The following LRRK2 variants were observed in gnomAD, a reference collection of about 807,000 sequenced individuals.
LRRK2 encodes leucine rich repeat kinase 2.
In LRRK2, 203 loss-of-function variants were observed where a neutral mutation model predicts 302.6. The observed-to-expected ratio is 0.67, with a 90% confidence interval of 0.60 to 0.75. The LOEUF is 0.75. Among genes scored for constraint, LRRK2 ranks in the 30% least tolerant of loss-of-function variants. The pLI, the probability that LRRK2 is intolerant of heterozygous loss-of-function variation, is 0.00. For synonymous variants in LRRK2, 1,066 were observed against 1,031.9 expected, an observed-to-expected ratio of 1.03 and a Z score of -0.63; for missense variants, 2,830 against 2,951.0, an observed-to-expected ratio of 0.96 and a Z score of 0.95.
intron 48 of LRRK2, among the ~76,000 whole-genome samples, 173 bp from the exon 49 acceptor site, chr12:40,364,669 G>C (rs1302557967): frequency 1.3e-5 from 2 of 151,914 alleles, no homozygotes; most frequent in African/African-American, 4.8e-5. Flanking sequence ...GTAAAGAAGT[G>C]TGGCTCTTTG....
intron 39 of LRRK2, among the ~76,000 whole-genome samples, chr12:40,331,363 T>G (rs1167252123): frequency 6.6e-6 from 1 of 152,214 alleles, no homozygotes; most frequent in Non-Finnish European, 1.5e-5. Flanking sequence ...GGATCACTGC[T>G]GAGACCATAC....
Position 40,337,915 on chromosome 12 carries a change from C to A in LRRK2, c.5949-2379C>A, listed in dbSNP as rs568097658. 9.2e-5 allele frequency among the ~76,000 whole-genome samples: 14 copies of A among 152,256 alleles called. No homozygotes were observed. In the South Asian group the frequency reaches 2.7e-3, roughly 29 times the overall value. Reference sequence around the variant, plus strand: ...GTATTTGTTATTCCTCTCTTTCCACCAAGTTGTCTGCCTAGAGAGCTCATT... The same window carrying A: ...GTATTTGTTATTCCTCTCTTTCCACAAAGTTGTCTGCCTAGAGAGCTCATT... On this transcript the variant is annotated intron_variant, in intron 40 of 50. Coordinates refer to ENST00000298910, the MANE Select transcript of LRRK2 (RefSeq NM_198578.4).
intron 38 of LRRK2, among the ~76,000 whole-genome samples, chr12:40,325,249 T>C (rs1050928483): frequency 2.0e-5 from 3 of 152,206 alleles, no homozygotes; most frequent in Non-Finnish European, 4.4e-5. Context: ...GTTGTGCCAC[T>C]GCACTCCAGC....
rs953697442 is a variant in LRRK2, at chr12:40,357,846, T to C, written c.6844-1414T>C. 2.0e-5 allele frequency among the ~76,000 whole-genome samples: 3 copies of C among 152,338 alleles called. No homozygotes were observed. The South Asian group carries it at 6.2e-4, about 32-fold the overall frequency. Reference sequence around the variant, plus strand: ...GGCTCACAGTGGCATGATCATAGCTTGTTGCAGCCTTGACCTTCTGCACTC... The same window carrying C: ...GGCTCACAGTGGCATGATCATAGCTCGTTGCAGCCTTGACCTTCTGCACTC... On this transcript the variant is annotated intron_variant, in intron 46 of 50. Coordinates refer to ENST00000298910, the MANE Select transcript of LRRK2 (RefSeq NM_198578.4).
At chr12:40,326,265 C>T (rs1438538578) in intron 38 of LRRK2, among the ~76,000 whole-genome samples, 1 of 151,966 alleles carries the variant, frequency 6.6e-6, no homozygotes, top group Non-Finnish European at 1.5e-5. Context: ...GAGATCGAGA[C>T]CATCCTGGCT....
At chr12:40,287,213 C>T (rs946930955) in intron 19 of LRRK2, 138 bp from the exon 20 acceptor site, 1 of 724,384 alleles carries the variant, frequency 1.4e-6, no homozygotes, top group African/African-American at 1.8e-5. Context: ...TTCAGGATCA[C>T]TAGTGTAAGG....
chr12:40,338,037 G>C (rs1055753365), intron 40 of LRRK2, among the ~76,000 whole-genome samples: 4 of 152,196 alleles, frequency 2.6e-5, no homozygotes, highest in African/African-American at 9.6e-5. Flanking sequence ...CAGACACTCT[G>C]TGCAAGACAT....
At position 40,323,217 on chromosome 12, in the gene LRRK2, C is replaced by A. The variant is rs947323032; in HGVS notation, c.5567C>A (p.Ala1856Asp). ...PRLTIPISQIAPDLILADLPR... is the reference protein window; with the variant it reads ...PRLTIPISQIDPDLILADLPR... ...CTCACCATTCCAATATCTCAGATTG[C>A]CCCTGACTTGATTTTGGCTGACCTG... The change falls in exon 38 of 51, where the codon GCC becomes GAC. Residue 1856 changes from alanine to aspartate, a missense_variant. By Grantham distance (126) the Ala-to-Asp change is moderately radical (BLOSUM62 -2). Transcript: ENST00000298910. 1 of 1,612,884 alleles carries A rather than the reference C, an allele frequency of 6.2e-7. No individual in the cohort carries two copies. The highest frequency in any genetic ancestry group is 8.5e-7 in the Non-Finnish European group (1 of 1,179,226).
rs759743656 is a variant in LRRK2 at position 40,368,911 on chromosome 12, G to A, written c.*1146G>A. On this transcript the variant is annotated 3_prime_UTR_variant, in exon 51 of 51. Coordinates refer to ENST00000298910, the MANE Select transcript of LRRK2 (RefSeq NM_198578.4). ...TATGTAATAATTTGAGGTCATTTCT[G>A]CTTTAGGAAAAGTACTTTCGGTAAA... The A allele has an allele frequency of 6.6e-6, 1 of 151,766 alleles. No homozygotes were observed. The highest frequency in any genetic ancestry group is 1.5e-5 in the Non-Finnish European group (1 of 67,736). 9.4% of individuals were successfully genotyped at this position (151,766 alleles called of 1,614,324 possible). A position where few individuals can be genotyped will look rare whatever the true frequency, so the allele number is the denominator to read the frequency against.
chr12:40,291,868 T>C (rs955881739), intron 20 of LRRK2, among the ~76,000 whole-genome samples: 1 of 152,102 alleles, frequency 6.6e-6, no homozygotes, highest in Non-Finnish European at 1.5e-5. Flanking sequence ...TTGTATATTT[T>C]GAAGCTCTGT....
intron 19 of LRRK2, among the ~76,000 whole-genome samples, chr12:40,285,375 CAT>C (rs1236405378): frequency 6.6e-6 from 1 of 151,898 alleles, no homozygotes; most frequent in Non-Finnish European, 1.5e-5. Flanking sequence ...GTGTTTTGCA[CAT>C]AGTAGATTAT....
chr12:40,291,309 T>G (rs571488508), intron 20 of LRRK2, among the ~76,000 whole-genome samples: 1 of 151,606 alleles, frequency 6.6e-6, no homozygotes, highest in Non-Finnish European at 1.5e-5. Flanking sequence ...GGGATAGCAT[T>G]AGGAGATACA....
chr12:40,226,173 C>T (rs530993355), intron 2 of LRRK2, among the ~76,000 whole-genome samples: 1 of 152,222 alleles, frequency 6.6e-6, no homozygotes, highest in South Asian at 2.1e-4. Context: ...TTATGAGACC[C>T]TCATAGTTTG....
rs1174977133 is a variant in LRRK2, at chr12:40,310,669, G to A, written c.4536+20G>A. On this transcript the variant is annotated intron_variant, in intron 31 of 50. Transcript: ENST00000298910. ...TTCAAGGTAACATGGTAGGCTGGTA[G>A]AGAAATGTAATTTATTGATTCTCAA... 6.2e-7 allele frequency: 1 copy of A among 1,608,732 alleles called. No individual in the cohort carries two copies. The highest frequency in any genetic ancestry group is 1.7e-4 in the Middle Eastern group (1 of 6,040).
intron 41 of LRRK2, 92 bp from the exon 42 acceptor site, chr12:40,346,661 C>T (rs2136975377): frequency 1.7e-6 from 2 of 1,165,990 alleles, no homozygotes; most frequent in Non-Finnish European, 2.5e-6. Flanking sequence ...CTTCCTGACT[C>T]TCTTATTTGG....
At chr12:40,243,822 A>G (rs1941852288) in intron 7 of LRRK2, 141 bp downstream of exon 7, 1 of 866,142 alleles carries the variant, frequency 1.2e-6, no homozygotes. Flanking sequence ...GAAAAAATAA[A>G]TTAAAACAAA....
chr12:40,319,162 T>A (rs1327900553), intron 33 of LRRK2, among the ~76,000 whole-genome samples: 1 of 152,056 alleles, frequency 6.6e-6, no homozygotes. Flanking sequence ...AATTGGAATA[T>A]ATAGATAAAT....
In LRRK2 at chr12:40,335,115, C is replaced by A; in HGVS notation, c.5906C>A (p.Thr1969Asn). The change falls in exon 40 of 51, where the codon ACC (threonine) becomes AAC (asparagine). Residue 1969 changes from threonine to asparagine, a missense_variant. Around this residue, in one of 3 missense-constraint regions of LRRK2, gnomAD observed 253 missense variants for 346.7 expected, o/e 0.73. Transcript: ENST00000298910. ...LQQDKASLTRTLQHRIALHVA... is the reference protein window; with the variant it reads ...LQQDKASLTRNLQHRIALHVA... ...CAGGACAAAGCCAGCCTCACTAGAACCCTACAGCACAGGATTGCACTCCAC... is the reference window on the plus strand; with the variant it reads ...CAGGACAAAGCCAGCCTCACTAGAAACCTACAGCACAGGATTGCACTCCAC... 1 of 1,614,060 alleles carries A rather than the reference C, an allele frequency of 6.2e-7. No individual in the cohort carries two copies. Among genetic ancestry groups the A allele is most frequent in the Non-Finnish European group, 8.5e-7 (1 of 1,179,974 alleles).
At chr12:40,359,671 G>A (rs1946647002) in intron 47 of LRRK2, among the ~76,000 whole-genome samples, 1 of 152,050 alleles carries the variant, frequency 6.6e-6, no homozygotes, top group Non-Finnish European at 1.5e-5. Context: ...GATAAAATAT[G>A]TAAACTCATT....
Sources: gnomAD v4.1 joint callset for allele counts (sites outside exome capture counted in the v4.1 genomes callset) on GRCh38, gnomAD v4.1.1 for gene constraint, gnomAD v4.1.1 regional missense constraint, MANE v1.5 for transcripts, NCBI Gene and HGNC (gene_info 2026-07-23, HGNC 2026-07-21) for gene names.